ADCY3: variants seen among roughly 807,000 people sequenced by gnomAD.
The protein encoded by ADCY3 is adenylate cyclase type 3.
A neutral mutation model predicts 119.4 loss-of-function variants in ADCY3; 70 were observed. The ratio of observed to expected loss-of-function variants is 0.59; its 90% CI spans 0.48 to 0.72. The LOEUF is 0.72. Among genes scored for constraint, ADCY3 ranks in the 30% least tolerant of loss-of-function variants. The pLI, the probability that ADCY3 is intolerant of heterozygous loss-of-function variation, is 0.00. For synonymous variants in ADCY3, 672 were observed against 621.4 expected (o/e 1.08, Z -1.21); for missense variants, 1,238 against 1,541.6 (o/e 0.80, Z 3.30).
intron 2 of ADCY3, among the ~76,000 whole-genome samples, chr2:24,888,223 C>A (rs1243446991): frequency 6.6e-6 from 1 of 152,240 alleles, no homozygotes; most frequent in East Asian, 1.9e-4. Context: ...GGTCCTCCCC[C>A]ATTGCCTGTC....
At chr2:24,914,087 G>A (rs1215844839) in intron 2 of ADCY3, among the ~76,000 whole-genome samples, 1 of 152,176 alleles carries the variant, frequency 6.6e-6, no homozygotes, top group African/African-American at 2.4e-5. Flanking sequence ...GCAGTTTAGG[G>A]CAGTAAAGGG....
chr2:24,873,831 C>A (rs7604178), intron 2 of ADCY3, among the ~76,000 whole-genome samples: 1 of 152,306 alleles, frequency 6.6e-6, no homozygotes, highest in East Asian at 1.9e-4. Context: ...GGATCCCCGA[C>A]GCCTCGCCTG....
chr2:24,838,381 C>T, intron 8 of ADCY3, 64 bp downstream of exon 8: 2 of 1,467,000 alleles, frequency 1.4e-6, no homozygotes, highest in Non-Finnish European at 1.8e-6. Context: ...TAATCTCCTC[C>T]TTTCCAACCC....
Position 24,841,649 on chromosome 2 carries a change from G to A in ADCY3, c.975C>T (p.Ile325=), listed in dbSNP as rs1290813663. The A allele has an allele frequency of 5.6e-6, 9 of 1,613,512 alleles. No homozygotes were observed. The highest frequency in any genetic ancestry group is 2.2e-5 in the South Asian group (2 of 91,060). Reference sequence around the variant, plus strand: ...CAGAAGACAGCTGGGTAAAGCCCACGATGTCGGCAAAGAGGATGCTGCATG... The same window carrying A: ...CAGAAGACAGCTGGGTAAAGCCCACAATGTCGGCAAAGAGGATGCTGCATG... ...HENVSILFAD[I]VGFTQLSSAC... is the part of the protein sequence containing the mutation. The change falls in exon 5 of 22, where the codon ATC becomes ATT. Residue 325 remains isoleucine (I), a synonymous_variant. Transcript: ENST00000679454. The surrounding 1 kb of genome is among the most constrained non-coding windows in gnomAD (Gnocchi z 5.8).
chr2:24,881,814 T>C (rs901246360), intron 2 of ADCY3, among the ~76,000 whole-genome samples: 1 of 151,816 alleles, frequency 6.6e-6, no homozygotes, highest in East Asian at 1.9e-4. Flanking sequence ...TTCCACAGTG[T>C]GTCTGGAGAC....
At chr2:24,895,856 A>T (rs902712213) in intron 2 of ADCY3, among the ~76,000 whole-genome samples, 2 of 152,056 alleles carry the variant, frequency 1.3e-5, no homozygotes, top group Non-Finnish European at 2.9e-5. Flanking sequence ...TTTTATCTTT[A>T]TGTGCTTAAT....
Position 24,827,956 on chromosome 2 carries a change from T to C in ADCY3, c.2378A>G (p.Tyr793Cys), listed in dbSNP as rs1341770136. Residue 793 changes from tyrosine to cysteine, a missense_variant, in exon 14 of 22, where the codon TAT becomes TGT. This residue lies in a region of ADCY3 where 499 missense variants were observed against 571.0 expected (regional missense o/e 0.87). Transcript: ENST00000679454. ...VAGAVATINLYAWRPVFDEYD... is the reference protein window; with the variant it reads ...VAGAVATINLCAWRPVFDEYD... ...TTCATCAAAGACGGGACGCCAGGCATAGAGGTTGATGGTGGCCACGGCGCC... is the reference window on the plus strand; with the variant it reads ...TTCATCAAAGACGGGACGCCAGGCACAGAGGTTGATGGTGGCCACGGCGCC... 1.9e-6 allele frequency: 3 copies of C among 1,614,034 alleles called. No homozygotes were observed. Among genetic ancestry groups the C allele is most frequent in the South Asian group, 1.1e-5 (1 of 91,088 alleles).
At chr2:24,848,682 C>T (rs993761160) in intron 3 of ADCY3, among the ~76,000 whole-genome samples, 25 of 152,178 alleles carry the variant, frequency 1.6e-4, no homozygotes, top group Admixed American at 1.3e-4. Flanking sequence ...CCACAGGAAG[C>T]GCTCACCATA....
chr2:24,828,305 A>C (rs1668915827), intron 13 of ADCY3, 144 bp from the exon 14 acceptor site: 1 of 988,202 alleles, frequency 1.0e-6, no homozygotes, highest in South Asian at 1.6e-5. Flanking sequence ...GAAATTTACC[A>C]GGGACTAATC....
rs1218920733 is a variant in ADCY3, at chr2:24,824,548, G to C, written c.2578-12C>G. The C allele has an allele frequency of 6.2e-7, 1 of 1,613,686 alleles. No homozygotes were observed. Among genetic ancestry groups the C allele is most frequent in the Non-Finnish European group, 8.5e-7 (1 of 1,179,676 alleles). On this transcript the variant is annotated splice_polypyrimidine_tract_variant and intron_variant, in intron 16 of 21. Coordinates refer to ENST00000679454, the MANE Select transcript of ADCY3 (RefSeq NM_004036.5). ...GCCAGTTTTTCTACCTACAGACACA[G>C]ACAAGGCGAGGCATGTGCTCTAAGC...
In ADCY3 at chr2:24,908,902, C is replaced by A. The variant is rs1663231247; in HGVS notation, c.675+9411G>T. 2.0e-5 allele frequency among the ~76,000 whole-genome samples: 3 copies of A among 152,284 alleles called. No individual in the cohort carries two copies. In the South Asian group the frequency reaches 6.2e-4, roughly 32 times the overall value. ...TGTCCCATGCTGAGGGCCCCCCCGA[C>A]ACACATTGGCTGCTCCACGTGTTGG... On this transcript the variant is annotated intron_variant, in intron 2 of 21. Transcript: ENST00000679454.
rs1670061811 is a variant in ADCY3 at position 24,834,733 on chromosome 2, T to C, written c.1805+61A>G. ...GCCGTATTTGGGATGCTCAGTTTCCTGAATCCCTTGTCAGGGCCCGGGAGG... is the reference window on the plus strand; with the variant it reads ...GCCGTATTTGGGATGCTCAGTTTCCCGAATCCCTTGTCAGGGCCCGGGAGG... On this transcript the variant is annotated intron_variant, in intron 10 of 21. Coordinates refer to ENST00000679454, the MANE Select transcript of ADCY3 (RefSeq NM_004036.5). This position sits in a 1 kb window ranked among gnomAD's most constrained non-coding sequence, Gnocchi z 4.2. 33 of 1,601,884 alleles carry C rather than the reference T, an allele frequency of 2.1e-5. No individual in the cohort carries two copies. In the South Asian group the frequency reaches 3.3e-4, roughly 16 times the overall value.
chr2:24,839,401 G>A (rs904481070), intron 7 of ADCY3, among the ~76,000 whole-genome samples: 11 of 152,198 alleles, frequency 7.2e-5, no homozygotes, highest in African/African-American at 2.2e-4. Flanking sequence ...CCTCAGCCTC[G>A]CCCTGCTAAA....
At chr2:24,849,373 G>C (rs1394490464) in intron 3 of ADCY3, among the ~76,000 whole-genome samples, 2 of 152,204 alleles carry the variant, frequency 1.3e-5, no homozygotes. Context: ...AGTAGCGGCA[G>C]AGGCACAAAA....
chr2:24,881,308 G>A (rs1345369673), intron 2 of ADCY3, among the ~76,000 whole-genome samples: 3 of 152,230 alleles, frequency 2.0e-5, no homozygotes, highest in Admixed American at 2.0e-4. Context: ...AGTGAGGAAT[G>A]CCTGGCATGA....
intron 2 of ADCY3, among the ~76,000 whole-genome samples, chr2:24,900,849 G>C (rs1240570807): frequency 2.0e-5 from 3 of 152,130 alleles, no homozygotes. Context: ...TGGATCACCT[G>C]AGGTCAGGAG....
chr2:24,911,642 A>C (rs1380758777), intron 2 of ADCY3, among the ~76,000 whole-genome samples: 2 of 39,282 alleles, frequency 5.1e-5, no homozygotes, highest in African/African-American at 8.2e-4. Context: ...AGACTCAAAA[A>C]AAAAAAAAAA....
chr2:24,838,666 C>G, intron 7 of ADCY3, 44 bp from the exon 8 acceptor site: 1 of 1,608,692 alleles, frequency 6.2e-7, no homozygotes, highest in Non-Finnish European at 8.5e-7. Flanking sequence ...CCAGAGGTGG[C>G]CCTCACACCC....
At chr2:24,911,405 G>A in intron 2 of ADCY3, among the ~76,000 whole-genome samples, 1 of 151,010 alleles carries the variant, frequency 6.6e-6, no homozygotes, top group East Asian at 2.0e-4. Context: ...CCAGCACTTT[G>A]GTAGGCCGAG....
Sources: gnomAD v4.1 joint callset for allele counts (sites outside exome capture counted in the v4.1 genomes callset) on GRCh38, gnomAD v4.1.1 for gene constraint, gnomAD v4.1.1 regional missense constraint, Gnocchi (gnomAD v3.1) non-coding constraint, MANE v1.5 for transcripts, NCBI Gene and HGNC (gene_info 2026-07-23, HGNC 2026-07-21) for gene names.